The following RBMX2 variants were observed in gnomAD, a reference collection of about 807,000 sequenced individuals.
RBMX2 encodes RNA binding motif protein X-linked 2.
For synonymous variants in RBMX2, 77 were observed against 94.3 expected (o/e 0.82, Z 1.07); for missense variants, 191 against 256.0 (o/e 0.75, Z 1.73).
At chrX:130,410,162 A>G (rs1405776887) in intron 4 of RBMX2, among the ~76,000 whole-genome samples, 1 of 111,785 alleles carries the variant, frequency 8.9e-6, no homozygotes, top group Non-Finnish European at 1.9e-5. Flanking sequence ...TAAGGAAGCC[A>G]GCAGTCAGAG....
chrX:130,410,136 T>G (rs1298049373), intron 4 of RBMX2, among the ~76,000 whole-genome samples: 2 of 111,342 alleles, frequency 1.8e-5, no homozygotes, highest in Non-Finnish European at 3.8e-5. Context: ...TGGAACAAGG[T>G]TCTAGGCTTG....
intron 3 of RBMX2, among the ~76,000 whole-genome samples, chrX:130,408,157 C>CT: frequency 9.3e-6 from 1 of 107,151 alleles, no homozygotes; most frequent in Non-Finnish European, 1.9e-5. Flanking sequence ...ATTCTGCCTT[C>CT]TTGTTTGTTT....
rs183269649 is a variant in RBMX2, at chrX:130,404,046, G to A, written c.173+193G>A. On this transcript the variant is annotated intron_variant, in intron 3 of 5. Coordinates refer to ENST00000305536, the MANE Select transcript of RBMX2 (RefSeq NM_016024.4). Reference sequence around the variant, plus strand: ...GAATGTTCTGTGGGAGATCCAAGAGGTTTGTTAATTTGGGAGGGCATCTTG... The same window carrying A: ...GAATGTTCTGTGGGAGATCCAAGAGATTTGTTAATTTGGGAGGGCATCTTG... 4.2e-4 allele frequency: 177 copies of A among 422,511 alleles called. 1 individual carries two copies. Among genetic ancestry groups the A allele is most frequent in the African/African-American group, 4.0e-3 (167 of 41,294 alleles). The allele number at this position is 422,511 out of a possible 1,213,427, so 34.8% of individuals were successfully genotyped here. A position where few individuals can be genotyped will look rare whatever the true frequency, so the allele number is the denominator to read the frequency against.
At chrX:130,404,839 A>G (rs1169231287) in intron 3 of RBMX2, among the ~76,000 whole-genome samples, 2 of 112,458 alleles carry the variant, frequency 1.8e-5, no homozygotes, top group African/African-American at 6.5e-5. Flanking sequence ...GGGCCCTGGC[A>G]GGGACAAAGA....
At chrX:130,411,226 C>T (rs1043584357) in intron 4 of RBMX2, 122 bp from the exon 5 acceptor site, 31 of 696,503 alleles carry the variant, frequency 4.5e-5, no homozygotes, top group Middle Eastern at 4.0e-4. Context: ...GCTTTAGTGA[C>T]AGAATTTAAC....
In RBMX2 at chrX:130,402,388, C is replaced by A. The variant is rs1377895989; in HGVS notation, c.121+18C>A. The A allele has an allele frequency of 8.3e-7, 1 of 1,202,586 alleles. No homozygotes were observed. Among genetic ancestry groups the A allele is most frequent in the Admixed American group, 2.2e-5 (1 of 44,856 alleles). ...CTTCCTGGGTGAGGTCCACATCTTT[C>A]TTCCTCAGTGCTCTCCAGATTCTCC... On this transcript the variant is annotated intron_variant, in intron 2 of 5. Transcript: ENST00000305536.
Position 130,412,481 on chromosome X carries a change from G to T in RBMX2, c.602G>T (p.Gly201Val). Reference sequence around the variant, plus strand: ...ACAGTAAAGGAAAAGGATGACACTGGCCCTAAGAAGCACAGCAGCAAGAAC... The same window carrying T: ...ACAGTAAAGGAAAAGGATGACACTGTCCCTAAGAAGCACAGCAGCAAGAAC... ...RKTVKEKDDT[G>V]PKKHSSKNSE... The change falls in exon 6 of 6, where the codon GGC (glycine) becomes GTC (valine). Residue 201 changes from glycine to valine, a missense_variant. By Grantham distance (109) the Gly-to-Val change is moderately radical. Coordinates refer to ENST00000305536, the MANE Select transcript of RBMX2 (RefSeq NM_016024.4). The T allele has an allele frequency of 8.3e-7, 1 of 1,210,139 alleles. No homozygotes were observed. The highest frequency in any genetic ancestry group is 1.1e-6 in the Non-Finnish European group (1 of 895,033).
rs1274381100 is a variant in RBMX2 at position 130,413,224 on chromosome X, C to A, written c.*376C>A. The A allele has an allele frequency of 2.5e-5, 3 of 119,657 alleles. No individual in the cohort carries two copies. Among genetic ancestry groups the A allele is most frequent in the Non-Finnish European group, 3.4e-5 (2 of 58,289 alleles). 9.9% of individuals were successfully genotyped at this position (119,657 alleles called of 1,213,427 possible). The stretch of plus-strand genomic sequence containing the variant: ...GACCTTTCCAGTTACTAGGTTTGGA[C>A]AGCTTGATGTGAACGAATGGGATAG... On this transcript the variant is annotated 3_prime_UTR_variant, in exon 6 of 6. Transcript: ENST00000305536.
intron 3 of RBMX2, 88 bp from the exon 4 acceptor site, chrX:130,409,169 T>G: frequency 1.2e-6 from 1 of 839,478 alleles, no homozygotes. Flanking sequence ...TTGTATACAC[T>G]ATATTATTTG....
intron 5 of RBMX2, 141 bp downstream of exon 5, chrX:130,411,666 A>G (rs1006321977): frequency 2.7e-5 from 16 of 593,383 alleles, no homozygotes; most frequent in Non-Finnish European, 4.0e-5. Context: ...AGCAGGGAGT[A>G]TCAGTGGAAG....
rs2034520754 is a variant in RBMX2, at chrX:130,412,714, T to C, written c.835T>C (p.Trp279Arg). The C allele has an allele frequency of 8.3e-7, 1 of 1,210,575 alleles. No homozygotes were observed. The highest frequency in any genetic ancestry group is 2.2e-5 in the Admixed American group (1 of 45,906). The change falls in exon 6 of 6, where the codon TGG (tryptophan) becomes CGG (arginine). Residue 279 changes from tryptophan to arginine, a missense_variant. Trp to Arg is a moderately radical substitution (Grantham distance 101). Transcript: ENST00000305536. ...GCGGAGCTCAGATGCACATTCTAGCTGGTATAATGGGCGTTCTGAAGGGCG... is the reference window on the plus strand; with the variant it reads ...GCGGAGCTCAGATGCACATTCTAGCCGGTATAATGGGCGTTCTGAAGGGCG... ...RGRSSDAHSSWYNGRSEGRSY... is the reference protein window; with the variant it reads ...RGRSSDAHSSRYNGRSEGRSY...
At chrX:130,411,234 A>G (rs1395245580) in intron 4 of RBMX2, 114 bp from the exon 5 acceptor site, 12 of 751,185 alleles carry the variant, frequency 1.6e-5, no homozygotes, top group Non-Finnish European at 2.3e-5. Flanking sequence ...GACAGAATTT[A>G]ACAAGAAGGT....
intron 5 of RBMX2, 47 bp from the exon 6 acceptor site, chrX:130,412,314 A>AT (rs750462781): frequency 7.6e-6 from 8 of 1,053,513 alleles, no homozygotes; most frequent in Non-Finnish European, 8.7e-6. Context: ...GAGTTCTTTT[A>AT]TTTTTTTCCC....
At chrX:130,402,719 C>T (rs2034462758) in intron 2 of RBMX2, among the ~76,000 whole-genome samples, 1 of 111,620 alleles carries the variant, frequency 9.0e-6, no homozygotes, top group Non-Finnish European at 1.9e-5. Context: ...GCGCAACAGG[C>T]AGAACTATAG....
chrX:130,411,722 T>C lies in RBMX2; in HGVS notation c.481+197T>C, dbSNP rs2034513518. Among the ~76,000 whole-genome samples, 3 of 111,069 alleles carry C rather than the reference T, an allele frequency of 2.7e-5. No individual in the cohort carries two copies. In the Admixed American group the frequency reaches 2.9e-4, roughly 11 times the overall value. On this transcript the variant is annotated intron_variant, in intron 5 of 5. Transcript: ENST00000305536. Reference sequence around the variant, plus strand: ...TGTGTCTCTCCCCAAGTTAATATGGTGAAATCCTAACCCTCAGCACCTCAG... The same window carrying C: ...TGTGTCTCTCCCCAAGTTAATATGGCGAAATCCTAACCCTCAGCACCTCAG...
chrX:130,408,526 CTGT>C (rs1214895199), intron 3 of RBMX2, among the ~76,000 whole-genome samples: 2 of 111,322 alleles, frequency 1.8e-5, no homozygotes, highest in East Asian at 5.6e-4. Flanking sequence ...CTCTTTCATG[CTGT>C]TGTTAGGAGA....
At chrX:130,405,642 T>C (rs2034480409) in intron 3 of RBMX2, among the ~76,000 whole-genome samples, 2 of 110,392 alleles carry the variant, frequency 1.8e-5, no homozygotes, top group Admixed American at 1.9e-4. Flanking sequence ...TCATGGTCTC[T>C]TTAGTGAAAG....
In RBMX2 at chrX:130,412,513, A is replaced by G; in HGVS notation, c.634A>G (p.Arg212Gly). 2 of 1,210,000 alleles carry G rather than the reference A, an allele frequency of 1.7e-6. No individual in the cohort carries two copies. The highest frequency in any genetic ancestry group is 2.2e-6 in the Non-Finnish European group (2 of 894,837). Reference protein sequence around the residue: ...PKKHSSKNSERAQKSEPREGQ... With the variant: ...PKKHSSKNSEGAQKSEPREGQ... Reference sequence around the variant, plus strand: ...GAAGCACAGCAGCAAGAACTCAGAGAGAGCTCAGAAGTCAGAGCCCAGGGA... The same window carrying G: ...GAAGCACAGCAGCAAGAACTCAGAGGGAGCTCAGAAGTCAGAGCCCAGGGA... The change falls in exon 6 of 6, where the codon AGA becomes GGA. Residue 212 changes from arginine (R) to glycine (G), a missense_variant. Coordinates refer to ENST00000305536, the MANE Select transcript of RBMX2 (RefSeq NM_016024.4).
Position 130,402,242 on chromosome X carries a change from C to T in RBMX2, c.6-13C>T. ...TTCTGCCTACCCTCCCCACCCCCCC[C>T]GCCACCGTGAAGCCCTTTAACTAAG... On this transcript the variant is annotated splice_polypyrimidine_tract_variant and intron_variant, in intron 1 of 5. Coordinates refer to ENST00000305536, the MANE Select transcript of RBMX2 (RefSeq NM_016024.4). 8.4e-7 allele frequency: 1 copy of T among 1,188,850 alleles called. No individual in the cohort carries two copies.
Sources: allele counts gnomAD v4.1 joint callset (sites outside exome capture counted in the v4.1 genomes callset), GRCh38; gene constraint gnomAD v4.1.1; transcripts MANE v1.5; gene names NCBI Gene and HGNC (gene_info 2026-07-23, HGNC 2026-07-21).